ST8SIA6: variants seen among roughly 807,000 people sequenced by gnomAD.
The protein encoded by ST8SIA6 is alpha-2,8-sialyltransferase 8F.
Under a neutral mutation model 33.6 loss-of-function variants are expected in ST8SIA6, and 39 were observed. The observed-to-expected ratio is 1.16, with a 90% CI of 0.90 to 1.52. The LOEUF is 1.52. Among genes scored for constraint, ST8SIA6 ranks in the 40% most tolerant of loss-of-function variants. The probability of loss-of-function intolerance (pLI) is 0.00; values close to 1 mark genes in which losing one functional copy is unlikely to be tolerated. For synonymous variants in ST8SIA6, 172 were observed against 167.2 expected (o/e 1.03, Z -0.22); for missense variants, 441 against 443.8 (o/e 0.99, Z 0.06).
At chr10:17,449,528 T>G (rs1467159844) in intron 2 of ST8SIA6, among the ~76,000 whole-genome samples, 1 of 152,208 alleles carries the variant, frequency 6.6e-6, no homozygotes, top group African/African-American at 2.4e-5. Context: ...AAAGAGAAGA[T>G]AAGGTAATAA....
In ST8SIA6 at chr10:17,321,431, T is replaced by G. The variant is rs1588772494; in HGVS notation, c.729-85A>C. The G allele has an allele frequency of 1.2e-5, 13 of 1,110,072 alleles. No individual in the cohort carries two copies. The East Asian group carries it at 3.1e-4, about 26-fold the overall frequency. 68.8% of individuals were successfully genotyped at this position (1,110,072 alleles called of 1,614,324 possible). On this transcript the variant is annotated intron_variant, in intron 7 of 7. Coordinates refer to ENST00000377602, the MANE Select transcript of ST8SIA6 (RefSeq NM_001004470.3). ...GATAACATAAAGCTGAATTTACCAT[T>G]GGTCAAAACACTGAACGATTTGTAT...
At chr10:17,420,963 A>C (rs1168799311) in intron 2 of ST8SIA6, among the ~76,000 whole-genome samples, 4 of 152,164 alleles carry the variant, frequency 2.6e-5, no homozygotes, top group African/African-American at 9.7e-5. Context: ...AGATCTCATG[A>C]GAACTCAGTC....
At chr10:17,399,951 C>T (rs1850976186) in intron 2 of ST8SIA6, among the ~76,000 whole-genome samples, 1 of 151,028 alleles carries the variant, frequency 6.6e-6, no homozygotes, top group Non-Finnish European at 1.5e-5. Flanking sequence ...TTGTAACTCT[C>T]ATGCACATAT....
At chr10:17,417,283 A>T (rs80273303) in intron 2 of ST8SIA6, among the ~76,000 whole-genome samples, 4,378 of 152,178 alleles carry the variant, frequency 0.029, 64 homozygotes, top group South Asian at 0.055. Flanking sequence ...ACCTCTCACT[A>T]GGCCCACTTC....
At chr10:17,377,924 G>T (rs1284678328) in intron 3 of ST8SIA6, among the ~76,000 whole-genome samples, 2 of 152,128 alleles carry the variant, frequency 1.3e-5, no homozygotes, top group Admixed American at 1.3e-4. Flanking sequence ...CACAACCCCT[G>T]ACCATAGACA....
chr10:17,341,993 C>A (rs1468060313), intron 4 of ST8SIA6, among the ~76,000 whole-genome samples: 1 of 151,422 alleles, frequency 6.6e-6, no homozygotes, highest in Non-Finnish European at 1.5e-5. Context: ...CAGAACTTAC[C>A]AGAACCATGC....
intron 3 of ST8SIA6, among the ~76,000 whole-genome samples, chr10:17,365,493 G>A (rs1396291577): frequency 3.9e-5 from 6 of 152,062 alleles, no homozygotes; most frequent in African/African-American, 1.2e-4. Context: ...GTTTAAAATC[G>A]TGGACTGCTC....
Position 17,322,230 on chromosome 10 carries a change from GA to G in ST8SIA6, c.728+834del, listed in dbSNP as rs1270092021. Among the ~76,000 whole-genome samples, 3 of 122,484 alleles carry G rather than the reference GA, an allele frequency of 2.4e-5. No homozygotes were observed. In the East Asian group the frequency reaches 6.0e-4, roughly 24 times the overall value. The allele number at this position is 122,484 out of a possible 152,430, so 80.4% of individuals were successfully genotyped here. On this transcript the variant is annotated intron_variant, in intron 7 of 7. Transcript: ENST00000377602. ...AAGAAAGAGAAAGAAAAGAAAGAAA[GA>G]AAAAGAAAGAGAAAAAGAAAGGAAA...
intron 2 of ST8SIA6, among the ~76,000 whole-genome samples, chr10:17,445,594 G>A (rs1050388999): frequency 3.3e-5 from 5 of 152,312 alleles, no homozygotes; most frequent in Admixed American, 2.0e-4. Flanking sequence ...CTCCCACACA[G>A]GAAGGGATCT....
In ST8SIA6 at chr10:17,337,260, G is replaced by A. The variant is rs1480211426; in HGVS notation, c.378-5708C>T. Reference sequence around the variant, plus strand: ...CGATTCCTGTGCAGCCTGCAGAGCCGTGAGCCAATTAAACCTCTTTTCCTT... The same window carrying A: ...CGATTCCTGTGCAGCCTGCAGAGCCATGAGCCAATTAAACCTCTTTTCCTT... On this transcript the variant is annotated intron_variant, in intron 4 of 7. Transcript: ENST00000377602. Among the ~76,000 whole-genome samples, 106 of 152,256 alleles carry A rather than the reference G, an allele frequency of 7.0e-4. 3 individuals carry two copies. Among genetic ancestry groups the A allele is most frequent in the Admixed American group, 6.9e-3 (106 of 15,300 alleles).
chr10:17,373,355 T>A (rs1207418936), intron 3 of ST8SIA6, among the ~76,000 whole-genome samples: 5 of 152,204 alleles, frequency 3.3e-5, no homozygotes, highest in African/African-American at 1.2e-4. Context: ...ATGTTACATA[T>A]ATAGCACATG....
intron 2 of ST8SIA6, among the ~76,000 whole-genome samples, chr10:17,426,883 C>T (rs577809207): frequency 4.6e-5 from 7 of 152,146 alleles, no homozygotes; most frequent in Non-Finnish European, 7.3e-5. Flanking sequence ...GGGTGGATCA[C>T]TTGAGGCCAG....
intron 2 of ST8SIA6, among the ~76,000 whole-genome samples, chr10:17,424,446 C>G (rs1851871466): frequency 6.6e-6 from 1 of 152,138 alleles, no homozygotes; most frequent in South Asian, 2.1e-4. Flanking sequence ...TTGTAACAGA[C>G]ACCATATTTC....
intron 2 of ST8SIA6, among the ~76,000 whole-genome samples, chr10:17,419,379 T>A (rs1251327151): frequency 6.6e-6 from 1 of 151,982 alleles, no homozygotes; most frequent in Non-Finnish European, 1.5e-5. Context: ...AAAAAATTTT[T>A]AAATTAGCTG....
chr10:17,397,602 T>C (rs1311815301), intron 2 of ST8SIA6, among the ~76,000 whole-genome samples: 1 of 152,194 alleles, frequency 6.6e-6, no homozygotes, highest in Non-Finnish European at 1.5e-5. Context: ...TCTTGAGATG[T>C]GCTCCGTACT....
chr10:17,329,942 G>A (rs1361551204), intron 5 of ST8SIA6, among the ~76,000 whole-genome samples: 1 of 152,052 alleles, frequency 6.6e-6, no homozygotes, highest in African/African-American at 2.4e-5. Context: ...TCATTAAAAC[G>A]TTTAATGCCG....
chr10:17,320,977 T>C lies in ST8SIA6; in HGVS notation c.1098A>G (p.Lys366=), dbSNP rs145026083. ...CTTTGGGCATCTGATGGAAACCATG[T>C]TTAGGTAGCTTGTTGTCATAATAGT... ...SHHYYDNKLP[K]HGFHQMPKEY... The change falls in exon 8 of 8, where the codon AAA becomes AAG. Residue 366 remains lysine, a synonymous_variant. Coordinates refer to ENST00000377602, the MANE Select transcript of ST8SIA6 (RefSeq NM_001004470.3). The C allele has an allele frequency of 4.5e-4, 719 of 1,614,096 alleles. 1 individual carries two copies. Among genetic ancestry groups the C allele is most frequent in the Non-Finnish European group, 5.5e-4 (648 of 1,179,968 alleles).
intron 2 of ST8SIA6, chr10:17,403,516 T>G (rs1241545263): frequency 6.6e-6 from 1 of 152,218 alleles, no homozygotes; most frequent in Non-Finnish European, 1.5e-5. Context: ...TAGGCTGGTC[T>G]GAAGGTAGTG....
chr10:17,364,950 G>A (rs1054221218), intron 3 of ST8SIA6, among the ~76,000 whole-genome samples: 1 of 152,156 alleles, frequency 6.6e-6, no homozygotes, highest in Non-Finnish European at 1.5e-5. Flanking sequence ...TAAACAGCTT[G>A]CTCAATATTG....
Sources: gnomAD v4.1 joint callset for allele counts (sites outside exome capture counted in the v4.1 genomes callset) on GRCh38, gnomAD v4.1.1 for gene constraint, MANE v1.5 for transcripts, NCBI Gene and HGNC (gene_info 2026-07-23, HGNC 2026-07-21) for gene names.